The following PLA2G4E variants were observed in gnomAD, a reference collection of about 807,000 sequenced individuals.
PLA2G4E encodes cytosolic phospholipase A2 epsilon.
PLA2G4E carries 84 observed loss-of-function variants against 109.1 expected under a neutral mutation model. The ratio of observed to expected loss-of-function variants is 0.77; its 90% CI spans 0.65 to 0.92. The LOEUF is 0.92. PLA2G4E is among the 40% of genes least tolerant of loss of function. The probability of loss-of-function intolerance (pLI) is 0.00; values close to 1 mark genes in which losing one functional copy is unlikely to be tolerated. For synonymous variants in PLA2G4E, 469 were observed against 436.1 expected, an observed-to-expected ratio of 1.08 and a Z score of -0.94; for missense variants, 1,057 against 1,076.6, an observed-to-expected ratio of 0.98 and a Z score of 0.25.
rs1356814673 is a variant in PLA2G4E at position 42,005,944 on chromosome 15, AGGTTATCATGAAGCCGGAGTCTGAGG to A, written c.525+20_525+45del. On this transcript the variant is annotated intron_variant, in intron 4 of 19. Coordinates refer to ENST00000399518, the Ensembl canonical transcript of PLA2G4E. Reference sequence around the variant, plus strand: ...TTTGTGGGAATCAGCAACAGCTATGAGGTTATCATGAAGCCGGAGTCTGAGGGCCTGTACCCTGCACCCACCTGCGG... The same window carrying A: ...TTTGTGGGAATCAGCAACAGCTATGAGCCTGTACCCTGCACCCACCTGCGG... 6.3e-7 allele frequency: 1 copy of A among 1,598,332 alleles called. No homozygotes were observed. Among genetic ancestry groups the A allele is most frequent in the East Asian group, 2.2e-5 (1 of 44,634 alleles).
chr15:41,987,722 A>G (rs1340808228), intron 16 of PLA2G4E, among the ~76,000 whole-genome samples: 2 of 152,018 alleles, frequency 1.3e-5, no homozygotes, highest in East Asian at 1.9e-4. Flanking sequence ...CGCTGGTGTC[A>G]CTCACCTACA....
At position 41,983,914 on chromosome 15, in the gene PLA2G4E, GT is replaced by G. The variant is rs749388203; in HGVS notation, c.2446del (p.Thr816LeufsTer8). Reference sequence around the variant, plus strand: ...TGTCAGCTCCTTGGTGGCATAGGGAGTTTTGGGACCATAAATGTCCACCTGG... The same window carrying G: ...TGTCAGCTCCTTGGTGGCATAGGGAGTTTGGGACCATAAATGTCCACCTGG... On this transcript the variant is annotated frameshift_variant, in exon 20 of 20. Transcript: ENST00000399518. LOFTEE classifies it high-confidence loss of function. 1 of 1,613,350 alleles carries G rather than the reference GT, an allele frequency of 6.2e-7. No individual in the cohort carries two copies. The highest frequency in any genetic ancestry group is 1.1e-5 in the South Asian group (1 of 90,810).
intron 2 of PLA2G4E, among the ~76,000 whole-genome samples, chr15:42,010,795 G>C (rs2068528231): frequency 1.3e-5 from 2 of 152,214 alleles, no homozygotes; most frequent in Admixed American, 6.5e-5. Context: ...TTCTAGGCCT[G>C]ATTGTCTCTC....
intron 1 of PLA2G4E, among the ~76,000 whole-genome samples, chr15:42,028,167 T>G (rs1427381304): frequency 6.6e-6 from 1 of 152,148 alleles, no homozygotes; most frequent in Non-Finnish European, 1.5e-5. Context: ...GTCTAAGTAT[T>G]TTATATTGCC....
At chr15:42,019,290 C>T (rs180981947) in intron 1 of PLA2G4E, among the ~76,000 whole-genome samples, 1 of 152,362 alleles carries the variant, frequency 6.6e-6, no homozygotes, top group Non-Finnish European at 1.5e-5. Context: ...AAGAATCTAG[C>T]CGTTACCACA....
At position 42,006,118 on chromosome 15, in the gene PLA2G4E, C is replaced by T. The variant is rs759986725; in HGVS notation, c.397G>A (p.Val133Met). 72 of 1,613,532 alleles carry T rather than the reference C, an allele frequency of 4.5e-5. No homozygotes were observed. In the South Asian group the frequency reaches 6.4e-4, roughly 14 times the overall value. Residue 133 changes from valine (V) to methionine (M), a missense_variant, in exon 4 of 20, where the codon GTG becomes ATG. Transcript: ENST00000399518. ...TCATCACAGACACTCAACTCTAGCA[C>T]GTTCTAGGGGAGAAGGAAGGATGCC...
intron 1 of PLA2G4E, among the ~76,000 whole-genome samples, chr15:42,018,145 T>C (rs2068614123): frequency 6.6e-6 from 1 of 152,248 alleles, no homozygotes; most frequent in South Asian, 2.1e-4. Context: ...TTGCAATGAA[T>C]GTACCTATTT....
intron 1 of PLA2G4E, among the ~76,000 whole-genome samples, chr15:42,031,120 A>G (rs1263120582): frequency 1.3e-5 from 2 of 152,036 alleles, no homozygotes; most frequent in African/African-American, 4.8e-5. Flanking sequence ...GGCATTTGCC[A>G]CCATGCCCAG....
chr15:42,024,853 C>T (rs1447717508), intron 1 of PLA2G4E, among the ~76,000 whole-genome samples: 5 of 152,120 alleles, frequency 3.3e-5, no homozygotes, highest in African/African-American at 9.7e-5. Flanking sequence ...TACGTATATA[C>T]GGAATTTTAG....
chr15:41,988,069 C>A (rs747002922), exon 16 of PLA2G4E: 1 of 1,605,816 alleles, frequency 6.2e-7, no homozygotes, highest in African/African-American at 1.3e-5. Flanking sequence ...CACTTTCTCC[C>A]TTGTCCACCT....
chr15:42,039,707 A>T (rs1440648332), intron 1 of PLA2G4E, among the ~76,000 whole-genome samples: 1 of 152,262 alleles, frequency 6.6e-6, no homozygotes, highest in South Asian at 2.1e-4. Context: ...ATAGCAATGA[A>T]AAATAAAATA....
chr15:42,045,780 C>T (rs1889404938), intron 1 of PLA2G4E, among the ~76,000 whole-genome samples: 1 of 152,196 alleles, frequency 6.6e-6, no homozygotes, highest in Non-Finnish European at 1.5e-5. Flanking sequence ...AGCTCCATGG[C>T]TTAAAAACCT....
In PLA2G4E at chr15:41,984,534, T is replaced by C. The variant is rs1284900931; in HGVS notation, c.2288A>G (p.Lys763Arg). 6.2e-6 allele frequency: 10 copies of C among 1,613,922 alleles called. No homozygotes were observed. Among genetic ancestry groups the C allele is most frequent in the Admixed American group, 1.7e-5 (1 of 60,030 alleles). Residue 763 changes from lysine (K) to arginine (R), a missense_variant, in exon 19 of 20, where the codon AAG becomes AGG. By Grantham distance (26) the Lys-to-Arg change is conservative. Coordinates refer to ENST00000399518, the Ensembl canonical transcript of PLA2G4E. ...GGGGTTCTCCATCAGGTAGCATTCC[T>C]TGAGATTTTCATTCTCATCTGGCAG...
intron 1 of PLA2G4E, among the ~76,000 whole-genome samples, chr15:42,014,093 C>T (rs963517102): frequency 6.6e-6 from 1 of 151,840 alleles, no homozygotes; most frequent in Non-Finnish European, 1.5e-5. Context: ...GGTTTCACCA[C>T]GTTGTCCAGG....
At chr15:42,042,676 C>T (rs917465564) in intron 1 of PLA2G4E, among the ~76,000 whole-genome samples, 3 of 150,382 alleles carry the variant, frequency 2.0e-5, no homozygotes, top group Non-Finnish European at 4.5e-5. Flanking sequence ...GGCAAACCCA[C>T]CCAGGGAAGG....
At chr15:42,021,302 A>T (rs1397147323) in intron 1 of PLA2G4E, among the ~76,000 whole-genome samples, 7 of 152,082 alleles carry the variant, frequency 4.6e-5, no homozygotes, top group South Asian at 4.2e-4. Context: ...TCAAGGGCAC[A>T]GTGGGTGGCA....
At chr15:41,988,191 T>C (rs2141023695) in intron 15 of PLA2G4E, 35 bp from the exon 16 acceptor site, 1 of 1,475,644 alleles carries the variant, frequency 6.8e-7, no homozygotes, top group Non-Finnish European at 9.3e-7. Flanking sequence ...AGCTCCACCC[T>C]GCAGCCCCAG....
At chr15:41,997,021 A>C in intron 11 of PLA2G4E, 103 bp downstream of exon 11, 1 of 1,384,212 alleles carries the variant, frequency 7.2e-7, no homozygotes, top group Non-Finnish European at 9.5e-7. Context: ...AAAAGCATCC[A>C]TGGAGGTGGC....
At chr15:41,992,605 C>T in intron 13 of PLA2G4E, 132 bp downstream of exon 13, 3 of 853,310 alleles carry the variant, frequency 3.5e-6, no homozygotes, top group East Asian at 2.7e-5. Context: ...TATCGGTCTT[C>T]CAGCCCAAGG....
Sources: allele counts gnomAD v4.1 joint callset (sites outside exome capture counted in the v4.1 genomes callset), GRCh38; gene constraint gnomAD v4.1.1; transcripts MANE v1.5; gene names NCBI Gene and HGNC (gene_info 2026-07-23, HGNC 2026-07-21).